Variants in ZSCAN5A observed in about 807,000 individuals in gnomAD.
The protein encoded by ZSCAN5A is zinc finger and SCAN domain containing 5A.
In ZSCAN5A, 12 loss-of-function variants were observed where a neutral mutation model predicts 23.7. The observed-to-expected ratio is 0.51, with a 90% CI of 0.32 to 0.82. The LOEUF is 0.82. ZSCAN5A is among the 40% of genes least tolerant of loss of function. The pLI is 0.03. For missense variants in ZSCAN5A, 597 were observed against 617.9 expected (o/e 0.97, Z 0.36); for synonymous variants, 257 against 239.9 (o/e 1.07, Z -0.66).
At chr19:56,280,899 C>T (rs1391424684) in intron 2 of ZSCAN5A, among the ~76,000 whole-genome samples, 1 of 152,142 alleles carries the variant, frequency 6.6e-6, no homozygotes, top group Non-Finnish European at 1.5e-5. Flanking sequence ...CACACTCAAA[C>T]CATAACACAT....
upstream of ZSCAN5A, among the ~76,000 whole-genome samples, chr19:56,319,227 G>A (rs1192002730): frequency 2.0e-5 from 3 of 152,148 alleles, no homozygotes; most frequent in East Asian, 3.8e-4. Context: ...GCTGGGTGCA[G>A]TGGCTCACGA....
Position 56,244,561 on chromosome 19 carries a change from G to A in ZSCAN5A, c.-127-19388C>T, listed in dbSNP as rs1322160210. ...AGTAGAGGAGAGTTTGCCCATCAGG[G>A]ACACATGGCAGTGTCTGGGGACAGT... On this transcript the variant is annotated intron_variant, in intron 2 of 5. Transcript: ENST00000683990. 22 of 1,075,214 alleles carry A rather than the reference G, an allele frequency of 2.0e-5. No individual in the cohort carries two copies. In the East Asian group the frequency reaches 5.3e-4, roughly 26 times the overall value. 66.6% of individuals were successfully genotyped at this position (1,075,214 alleles called of 1,614,324 possible). A position where few individuals can be genotyped will look rare whatever the true frequency, so the allele number is the denominator to read the frequency against.
At position 56,224,764 on chromosome 19, in the gene ZSCAN5A, A is replaced by G. The variant is rs779562174; in HGVS notation, c.283T>C (p.Ser95Pro). The change falls in exon 3 of 6, where the codon TCC (serine) becomes CCC (proline). Residue 95 changes from serine to proline, a missense_variant. Physicochemically the swap from Ser to Pro is moderately conservative, Grantham distance 74 (BLOSUM62 -1). This residue lies in a region of ZSCAN5A where 27 missense variants were observed against 93.5 expected (regional missense o/e 0.29). Transcript: ENST00000683990. The stretch of plus-strand genomic sequence containing the variant: ...AAGACCTGGAGCTCCTGGGGCATGG[A>G]GATCATGAACTGCTCCATCACCAGC... ...DMLVMEQFMI[S>P]MPQELQVLVM... is the part of the protein sequence containing the mutation. 21 of 1,604,668 alleles carry G rather than the reference A, an allele frequency of 1.3e-5. 1 individual carries two copies. In the African/African-American group the frequency reaches 2.8e-4, roughly 21 times the overall value.
At chr19:56,366,013 G>C (rs765618959) in intron 1 of ZSCAN5A, 1 of 152,164 alleles carries the variant, frequency 6.6e-6, no homozygotes, top group Non-Finnish European at 1.5e-5. Flanking sequence ...TCAATGCTCA[G>C]GAGAGAAACT....
intron 2 of ZSCAN5A, among the ~76,000 whole-genome samples, chr19:56,329,959 A>C (rs2041474874): frequency 6.6e-6 from 1 of 152,192 alleles, no homozygotes; most frequent in African/African-American, 2.4e-5. Flanking sequence ...AGTACCCAAT[A>C]GTTTTTCAGC....
At chr19:56,354,254 G>A (rs1169313055) in intron 2 of ZSCAN5A, among the ~76,000 whole-genome samples, 5 of 152,268 alleles carry the variant, frequency 3.3e-5, no homozygotes, top group Middle Eastern at 3.4e-3. Context: ...TTACTGAACC[G>A]GACACTTACA....
intron 2 of ZSCAN5A, among the ~76,000 whole-genome samples, chr19:56,311,696 C>T (rs2041047862): frequency 6.6e-6 from 1 of 152,126 alleles, no homozygotes; most frequent in South Asian, 2.1e-4. Context: ...TTCCACGATA[C>T]ATGTGCAGGC....
chr19:56,307,313 TG>T (rs2040756615), intron 2 of ZSCAN5A, among the ~76,000 whole-genome samples: 1 of 152,008 alleles, frequency 6.6e-6, no homozygotes, highest in Non-Finnish European at 1.5e-5. Context: ...CCCCACCCCC[TG>T]CTGCAGTCCT....
intron 2 of ZSCAN5A, chr19:56,228,169 G>A: frequency 1.0e-6 from 1 of 974,276 alleles, no homozygotes; most frequent in Non-Finnish European, 1.2e-6. Context: ...GAAAACGCAC[G>A]AAAAAATAAA....
intron 2 of ZSCAN5A, chr19:56,312,531 T>C (rs1435973231): frequency 1.3e-5 from 2 of 152,282 alleles, no homozygotes; most frequent in Admixed American, 1.3e-4. Context: ...CTAAATGTCA[T>C]GTGGTGTCCC....
chr19:56,236,964 G>A (rs2034982413), intron 2 of ZSCAN5A, among the ~76,000 whole-genome samples: 1 of 152,186 alleles, frequency 6.6e-6, no homozygotes, highest in Admixed American at 6.5e-5. Flanking sequence ...GGTGGGCCAA[G>A]TCTCCACGTC....
intron 2 of ZSCAN5A, among the ~76,000 whole-genome samples, chr19:56,269,123 G>A (rs1474238098): frequency 2.0e-5 from 3 of 152,000 alleles, no homozygotes; most frequent in African/African-American, 4.8e-5. Context: ...CCTGTTTTCC[G>A]TGCTTTCGGG....
chr19:56,262,409 A>ATTTTTTTTTTTTTTTTTTTTTTTTTTT (rs542630700), intron 2 of ZSCAN5A, among the ~76,000 whole-genome samples: 1 of 142,226 alleles, frequency 7.0e-6, no homozygotes, highest in Non-Finnish European at 1.5e-5. Flanking sequence ...CTCGTTTCTA[A>ATTTTTTTTTTTTTTTTTTTTTTTTTTT]TTTTTTTTTT....
At chr19:56,261,872 ATTC>A (rs1252104235) in intron 2 of ZSCAN5A, among the ~76,000 whole-genome samples, 1 of 152,200 alleles carries the variant, frequency 6.6e-6, no homozygotes, top group African/African-American at 2.4e-5. Flanking sequence ...GAAGTGTACA[ATTC>A]TTAAGGTTAC....
intron 2 of ZSCAN5A, among the ~76,000 whole-genome samples, chr19:56,337,609 C>T (rs139855602): frequency 0.022 from 3,338 of 152,252 alleles, 117 homozygotes; most frequent in African/African-American, 0.077. Flanking sequence ...ACCCACTGTC[C>T]GGCACTCCCC....
intron 2 of ZSCAN5A, among the ~76,000 whole-genome samples, chr19:56,275,863 G>T (rs1056336618): frequency 6.6e-6 from 1 of 152,224 alleles, no homozygotes; most frequent in Non-Finnish European, 1.5e-5. Context: ...CATGTACCAT[G>T]TGAATGTTGG....
chr19:56,244,711 G>A lies in ZSCAN5A; in HGVS notation c.-127-19538C>T, dbSNP rs550262683. 4.3e-3 allele frequency among the ~76,000 whole-genome samples: 640 copies of A among 150,108 alleles called. 19 individuals carry two copies. Among genetic ancestry groups the A allele is most frequent in the African/African-American group, 0.015 (610 of 39,762 alleles). On this transcript the variant is annotated intron_variant, in intron 2 of 5. Transcript: ENST00000683990. Reference sequence around the variant, plus strand: ...GCTGTGCTGAGACGGCAAGTTCCTGGTGTAGGAGATGGACAGGCAGAGGGG... The same window carrying A: ...GCTGTGCTGAGACGGCAAGTTCCTGATGTAGGAGATGGACAGGCAGAGGGG...
At chr19:56,266,129 C>A (rs2037453027) in intron 2 of ZSCAN5A, 1 of 152,146 alleles carries the variant, frequency 6.6e-6, no homozygotes, top group African/African-American at 2.4e-5. Flanking sequence ...ATAATACTAC[C>A]CAGCTCTTAA....
intron 2 of ZSCAN5A, among the ~76,000 whole-genome samples, chr19:56,279,259 C>T (rs2038496144): frequency 6.6e-6 from 1 of 152,098 alleles, no homozygotes; most frequent in African/African-American, 2.4e-5. Flanking sequence ...TGCTCCAAGT[C>T]ACATGGAAGG....
Sources: gnomAD v4.1 joint callset for allele counts (sites outside exome capture counted in the v4.1 genomes callset) on GRCh38, gnomAD v4.1.1 for gene constraint, gnomAD v4.1.1 regional missense constraint, MANE v1.5 for transcripts, NCBI Gene and HGNC (gene_info 2026-07-23, HGNC 2026-07-21) for gene names.